Variants in PAICS observed in about 807,000 individuals in gnomAD.
PAICS encodes bifunctional phosphoribosylaminoimidazole carboxylase/phosphoribosylaminoimidazole succinocarboxamide synthetase.
In PAICS, 33 loss-of-function variants were observed where a neutral mutation model predicts 53.7. The ratio of observed to expected loss-of-function variants is 0.61; its 90% CI spans 0.47 to 0.82. PAICS has a LOEUF of 0.82. Ranked by LOEUF, PAICS falls within the 40% of genes least tolerant of loss-of-function variation. The probability of loss-of-function intolerance (pLI) is 0.00; values close to 1 mark genes in which losing one functional copy is unlikely to be tolerated. For missense variants in PAICS, 394 were observed against 494.1 expected (o/e 0.80, Z 1.92); for synonymous variants, 141 against 167.2 (o/e 0.84, Z 1.21).
At chr4:56,440,179 G>A (rs1431889106) in intron 1 of PAICS, among the ~76,000 whole-genome samples, 4 of 152,222 alleles carry the variant, frequency 2.6e-5, no homozygotes, top group South Asian at 4.1e-4. Context: ...TAGGAAAGAA[G>A]AGATTGTCAG....
the PAICS span, among the ~76,000 whole-genome samples, chr4:56,417,904 A>G: frequency 6.7e-6 from 1 of 148,856 alleles, no homozygotes; most frequent in East Asian, 2.0e-4. Flanking sequence ...GCAGTGGTGC[A>G]ATCTCGGCTC....
chr4:56,433,495 TAA>T (rs542379951), upstream of PAICS, among the ~76,000 whole-genome samples: 18 of 129,410 alleles, frequency 1.4e-4, no homozygotes, highest in Non-Finnish European at 1.7e-4. Flanking sequence ...ACATGTAAGT[TAA>T]AAAAAAAAAA....
At chr4:56,415,348 T>C in the PAICS span, among the ~76,000 whole-genome samples, 4 of 152,240 alleles carry the variant, frequency 2.6e-5, no homozygotes, top group Non-Finnish European at 5.9e-5. Context: ...ATAATTCATC[T>C]TCATGTGTCA....
intron 8 of PAICS, among the ~76,000 whole-genome samples, chr4:56,454,840 A>C (rs1309974975): frequency 2.6e-5 from 4 of 151,842 alleles, no homozygotes; most frequent in Non-Finnish European, 5.9e-5. Flanking sequence ...ACTTCTGTAG[A>C]GAGAATACAA....
upstream of PAICS, among the ~76,000 whole-genome samples, chr4:56,431,803 A>T (rs1439480406): frequency 6.6e-6 from 1 of 152,196 alleles, no homozygotes; most frequent in African/African-American, 2.4e-5. Context: ...TTATTCTAAG[A>T]AGGGGTGTCT....
the PAICS span, among the ~76,000 whole-genome samples, chr4:56,429,808 C>G: frequency 6.6e-6 from 1 of 152,226 alleles, no homozygotes; most frequent in Non-Finnish European, 1.5e-5. Flanking sequence ...CCCCCATAAA[C>G]ATTATCACTA....
upstream of PAICS, chr4:56,435,296 G>C: frequency 6.2e-7 from 1 of 1,606,262 alleles, no homozygotes; most frequent in Non-Finnish European, 8.5e-7. Context: ...ACTGCGGGAA[G>C]CGGCTCCGAG....
the PAICS span, among the ~76,000 whole-genome samples, chr4:56,412,984 G>C: frequency 7.0e-6 from 1 of 143,276 alleles, no homozygotes; most frequent in South Asian, 2.4e-4. Flanking sequence ...ACAATTAATG[G>C]TTCCATAATA....
chr4:56,438,391 A>C, intron 1 of PAICS, among the ~76,000 whole-genome samples: 1 of 114,730 alleles, frequency 8.7e-6, no homozygotes, highest in African/African-American at 3.0e-5. Flanking sequence ...ATATATATAT[A>C]TATATATATA....
chr4:56,438,348 T>TA (rs954374220), intron 1 of PAICS, among the ~76,000 whole-genome samples: 12 of 133,914 alleles, frequency 9.0e-5, no homozygotes, highest in Admixed American at 2.2e-4. Flanking sequence ...AGTAAAATAA[T>TA]AAAAAAAACT....
At chr4:56,436,222 C>T, upstream of PAICS, 4 of 1,537,774 alleles carry the variant, frequency 2.6e-6, no homozygotes, top group Non-Finnish European at 3.5e-6. Context: ...CCGCCTCCTT[C>T]CCCGCCCAGC....
intron 1 of PAICS, among the ~76,000 whole-genome samples, chr4:56,438,877 C>T (rs1718188917): frequency 6.6e-6 from 1 of 152,138 alleles, no homozygotes. Context: ...AGCCACATTT[C>T]TAGTGGCTGC....
At chr4:56,431,612 A>C, upstream of PAICS, 1 of 639,540 alleles carries the variant, frequency 1.6e-6, no homozygotes, top group Non-Finnish European at 1.9e-6. Flanking sequence ...ATTCCTAACC[A>C]GGAGAAGTGA....
Position 56,462,825 on chromosome 4 carries a change from A to T in PAICS, c.*3287A>T, listed in dbSNP as rs1395733913. 1 of 152,022 alleles carries T rather than the reference A, an allele frequency of 6.6e-6. No homozygotes were observed. The highest frequency in any genetic ancestry group is 1.5e-5 in the Non-Finnish European group (1 of 68,038). 9.4% of individuals were successfully genotyped at this position (152,022 alleles called of 1,614,324 possible). On this transcript the variant is annotated 3_prime_UTR_variant, in exon 9 of 9. Transcript: ENST00000512576. ...AGACCAGCCTGACCAACATGGAGAA[A>T]CCCAGTCTCTAATAAAAATACAAAA...
At chr4:56,436,157 C>CCGCGCATAACCCATA, upstream of PAICS, 1 of 1,493,194 alleles carries the variant, frequency 6.7e-7, no homozygotes, top group Non-Finnish European at 8.9e-7. Flanking sequence ...CCATACCCCT[C>CCGCGCATAACCCATA]CGGGTTAGGC....
chr4:56,441,517 A>T (rs1395799076), intron 1 of PAICS, 146 bp from the exon 2 acceptor site: 1 of 410,114 alleles, frequency 2.4e-6, no homozygotes, highest in Non-Finnish European at 4.4e-6. Flanking sequence ...AATACATTGT[A>T]GAGTATATGG....
chr4:56,453,103 T>G (rs1434340410), intron 7 of PAICS, among the ~76,000 whole-genome samples: 1 of 152,182 alleles, frequency 6.6e-6, no homozygotes, highest in Non-Finnish European at 1.5e-5. Context: ...GAGATTATGT[T>G]AAAAAATGTA....
chr4:56,433,166 T>A (rs1717692827), upstream of PAICS, among the ~76,000 whole-genome samples: 1 of 151,966 alleles, frequency 6.6e-6, no homozygotes, highest in Admixed American at 6.5e-5. Flanking sequence ...TTAGCTCATG[T>A]AAAATTTTGA....
intron 8 of PAICS, among the ~76,000 whole-genome samples, chr4:56,457,239 C>T (rs984416711): frequency 6.6e-6 from 1 of 152,014 alleles, no homozygotes; most frequent in Admixed American, 6.6e-5. Context: ...CTGGCGAAAC[C>T]CCATCTCTAC....
Sources: gnomAD v4.1 joint callset for allele counts (sites outside exome capture counted in the v4.1 genomes callset) on GRCh38, gnomAD v4.1.1 for gene constraint, MANE v1.5 for transcripts, NCBI Gene and HGNC (gene_info 2026-07-23, HGNC 2026-07-21) for gene names.